Variants in LARP1 observed in about 807,000 individuals in gnomAD.
The protein encoded by LARP1 is La ribonucleoprotein 1, translational regulator.
In LARP1, 36 loss-of-function variants were observed where a neutral mutation model predicts 122.7. The observed-to-expected ratio is 0.29, with a 90% CI of 0.22 to 0.39. The LOEUF (loss-of-function observed/expected upper bound fraction) is 0.39, where lower values mean the gene tolerates loss of function less well. LARP1 is among the 10% of genes least tolerant of loss of function. The pLI is 1.00. For missense variants in LARP1, 1,040 were observed against 1,403.6 expected, an observed-to-expected ratio of 0.74 and a Z score of 4.14; for synonymous variants, 539 against 528.7, an observed-to-expected ratio of 1.02 and a Z score of -0.27.
upstream of LARP1, among the ~76,000 whole-genome samples, chr5:154,754,959 G>A (rs1753712659): frequency 6.6e-6 from 1 of 152,192 alleles, no homozygotes; most frequent in Admixed American, 6.5e-5. Context: ...AGCAGGCCCG[G>A]CAGGCCGCGT....
At chr5:154,711,393 G>A (rs1755214676), upstream of LARP1, among the ~76,000 whole-genome samples, 1 of 152,150 alleles carries the variant, frequency 6.6e-6, no homozygotes, top group Non-Finnish European at 1.5e-5. Flanking sequence ...GCCCACCTCA[G>A]CCTCCCAAAG....
chr5:154,789,879 A>G (rs924813512), intron 1 of LARP1, among the ~76,000 whole-genome samples: 7 of 152,292 alleles, frequency 4.6e-5, no homozygotes, highest in South Asian at 2.1e-4. Context: ...TGCCTTCCCA[A>G]TGATCACTAG....
intron 16 of LARP1, among the ~76,000 whole-genome samples, chr5:154,809,682 A>G (rs1449075486): frequency 6.6e-6 from 1 of 150,444 alleles, no homozygotes; most frequent in African/African-American, 2.4e-5. Context: ...ATCCTTAAGT[A>G]TACATTTATA....
At chr5:154,811,791 A>T in intron 18 of LARP1, 151 bp downstream of exon 18, 4 of 881,240 alleles carry the variant, frequency 4.5e-6, no homozygotes, top group Non-Finnish European at 6.9e-6. Flanking sequence ...TCACCTTTAA[A>T]ATGGAGAGTG....
chr5:154,796,391 C>A (rs1053424762), intron 8 of LARP1, among the ~76,000 whole-genome samples: 1 of 151,306 alleles, frequency 6.6e-6, no homozygotes, highest in African/African-American at 2.4e-5. Context: ...CTTATTAAGT[C>A]TCCTCTTGCC....
At chr5:154,716,720 A>C (rs1755530050) in intron 1 of LARP1, among the ~76,000 whole-genome samples, 1 of 149,032 alleles carries the variant, frequency 6.7e-6, no homozygotes, top group African/African-American at 2.5e-5. Flanking sequence ...AAGTGTTGGG[A>C]TTACAGGTGT....
chr5:154,689,494 C>T (rs183320251), intron 1 of LARP1, among the ~76,000 whole-genome samples: 1 of 151,614 alleles, frequency 6.6e-6, no homozygotes, highest in East Asian at 1.9e-4. Context: ...GTGGCAGGCA[C>T]CTGTAATCCC....
chr5:154,744,448 C>A (rs1753070199), intron 1 of LARP1, among the ~76,000 whole-genome samples: 1 of 151,956 alleles, frequency 6.6e-6, no homozygotes, highest in African/African-American at 2.4e-5. Flanking sequence ...AGGGATGGGG[C>A]CTGAGGCTCA....
rs934178190 is a variant in LARP1, at chr5:154,801,962, A to G, written c.1717-45A>G. 5.8e-6 allele frequency: 9 copies of G among 1,552,058 alleles called. 1 individual carries two copies. In the Admixed American group the frequency reaches 1.1e-4, roughly 19 times the overall value. On this transcript the variant is annotated intron_variant, in intron 10 of 18. Transcript: ENST00000518297. ...TGGTATAGCTACAGAATCTGGGCCA[A>G]GGATCTCTGGTGATTCCTTTTCCCC...
chr5:154,734,478 C>A (rs534703684), intron 1 of LARP1, among the ~76,000 whole-genome samples: 1 of 152,190 alleles, frequency 6.6e-6, no homozygotes, highest in South Asian at 2.1e-4. Flanking sequence ...TCAGAAATAA[C>A]CACTGGTAAT....
Position 154,811,723 on chromosome 5 carries a change from C to A in LARP1, c.3081+83C>A. The A allele has an allele frequency of 1.9e-6, 3 of 1,550,318 alleles. No homozygotes were observed. The South Asian group carries it at 3.4e-5, about 18-fold the overall frequency. On this transcript the variant is annotated intron_variant, in intron 18 of 18. Transcript: ENST00000518297. ...TCAGGATACTTGGATTCTGGTCCAG[C>A]TGTGCCCCTAGCCCAGGAACCCCTC...
intron 1 of LARP1, among the ~76,000 whole-genome samples, chr5:154,737,394 C>T (rs1002893255): frequency 1.4e-4 from 20 of 147,456 alleles, no homozygotes; most frequent in African/African-American, 5.0e-4. Context: ...CTCAAAGGAA[C>T]TAAACTTCCT....
chr5:154,793,825 C>T lies in LARP1; in HGVS notation c.894C>T (p.Pro298=), dbSNP rs2276325. ...GGTCTGAGTCTGCCACCTACGTGCC[C>T]GTGGCCCCCCCCACCCCAGCCTGGC... ...IKGSESATYV[P]VAPPTPAWQP... The change falls in exon 6 of 19, where the codon CCC becomes CCT. Residue 298 remains proline (P), a synonymous_variant. Transcript: ENST00000518297. 99 of 1,614,146 alleles carry T rather than the reference C, an allele frequency of 6.1e-5. 1 individual carries two copies. In the East Asian group the frequency reaches 1.9e-3, roughly 31 times the overall value.
Position 154,811,643 on chromosome 5 carries a change from A to G in LARP1, c.3081+3A>G, listed in dbSNP as rs1374550551. ...GTCTTGAAGACTTCCGAGTAGATGT[A>G]AGTGAAACTCTTTCTCTAACTCTGC... On this transcript the variant is annotated splice_donor_region_variant and intron_variant, in intron 18 of 18. Coordinates refer to ENST00000518297, the MANE Select transcript of LARP1 (RefSeq NM_033551.3). 6.2e-7 allele frequency: 1 copy of G among 1,614,050 alleles called. No homozygotes were observed. Among genetic ancestry groups the G allele is most frequent in the African/African-American group, 1.3e-5 (1 of 74,926 alleles).
chr5:154,798,656 C>T (rs1266866546), intron 8 of LARP1, among the ~76,000 whole-genome samples: 1 of 152,074 alleles, frequency 6.6e-6, no homozygotes, highest in Non-Finnish European at 1.5e-5. Context: ...TGTATGCCAG[C>T]GCCACCTTTT....
At position 154,803,024 on chromosome 5, in the gene LARP1, T is replaced by C. The variant is rs1758468292; in HGVS notation, c.2110-266T>C. Among the ~76,000 whole-genome samples, 1 of 152,024 alleles carries C rather than the reference T, an allele frequency of 6.6e-6. No homozygotes were observed. Among genetic ancestry groups the C allele is most frequent in the South Asian group, 2.1e-4 (1 of 4,822 alleles). The stretch of plus-strand genomic sequence containing the variant: ...CTTTCAGGGGGGAGTGTGTAGTGAG[T>C]TCCTGAGGAGCTACTGTCAGCCTGA... On this transcript the variant is annotated intron_variant, in intron 11 of 18. Coordinates refer to ENST00000518297, the MANE Select transcript of LARP1 (RefSeq NM_033551.3). The surrounding 1 kb of genome is among the most constrained non-coding windows in gnomAD (Gnocchi z 4.4).
Position 154,809,141 on chromosome 5 carries a change from T to C in LARP1, c.2843+538T>C, listed in dbSNP as rs564277848. Among the ~76,000 whole-genome samples, 9 of 152,228 alleles carry C rather than the reference T, an allele frequency of 5.9e-5. No individual in the cohort carries two copies. The South Asian group carries it at 1.9e-3, about 32-fold the overall frequency. The stretch of plus-strand genomic sequence containing the variant: ...ATCTCCTATTAGTGGATACTTAGGT[T>C]GTTTCCAATATTTTGCTATTAAAAA... On this transcript the variant is annotated intron_variant, in intron 16 of 18. Transcript: ENST00000518297.
chr5:154,742,738 AAAAAAAGAAAAAAG>A (rs564365753), intron 1 of LARP1, among the ~76,000 whole-genome samples: 1 of 151,716 alleles, frequency 6.6e-6, no homozygotes, highest in Non-Finnish European at 1.5e-5. Flanking sequence ...TCAAAAAAAA[AAAAAAAGAAAAAAG>A]AAAAAAGAAA....
intron 1 of LARP1, among the ~76,000 whole-genome samples, chr5:154,789,077 GGC>G (rs2113760211): frequency 6.6e-6 from 1 of 151,962 alleles, no homozygotes; most frequent in African/African-American, 2.4e-5. Context: ...TGGGCATGGT[GGC>G]GCGCACTTGC....
Sources: gnomAD v4.1 joint callset for allele counts (sites outside exome capture counted in the v4.1 genomes callset) on GRCh38, gnomAD v4.1.1 for gene constraint, Gnocchi (gnomAD v3.1) non-coding constraint, MANE v1.5 for transcripts, NCBI Gene and HGNC (gene_info 2026-07-23, HGNC 2026-07-21) for gene names.